Variants in SLC8A3 observed in about 807,000 individuals in gnomAD.
The protein encoded by SLC8A3 is sodium/calcium exchanger 3.
In SLC8A3, 37 loss-of-function variants were observed where a neutral mutation model predicts 65.4. That is an observed-to-expected ratio of 0.57 (90% CI 0.44 to 0.74). The LOEUF (loss-of-function observed/expected upper bound fraction) is 0.74. Ranked by LOEUF, SLC8A3 falls within the 30% of genes least tolerant of loss-of-function variation. The pLI, the probability that SLC8A3 is intolerant of heterozygous loss-of-function variation, is 0.00. For missense variants in SLC8A3, 1,112 were observed against 1,172.1 expected, an observed-to-expected ratio of 0.95 and a Z score of 0.75; for synonymous variants, 461 against 444.5, an observed-to-expected ratio of 1.04 and a Z score of -0.47.
chr14:70,166,187 T>C (rs1166009039), intron 2 of SLC8A3, among the ~76,000 whole-genome samples: 1 of 152,246 alleles, frequency 6.6e-6, no homozygotes. Flanking sequence ...TTCTTTAGAA[T>C]GTTCTGATGG....
At chr14:70,082,264 A>T (rs1424301309) in intron 2 of SLC8A3, among the ~76,000 whole-genome samples, 2 of 151,862 alleles carry the variant, frequency 1.3e-5, no homozygotes, top group South Asian at 2.1e-4. Flanking sequence ...TCAGATTTCA[A>T]TTTTTTTAAA....
intron 2 of SLC8A3, among the ~76,000 whole-genome samples, chr14:70,132,417 C>T (rs1278170899): frequency 6.6e-6 from 1 of 152,184 alleles, no homozygotes; most frequent in Non-Finnish European, 1.5e-5. Context: ...ATTCATTTTA[C>T]AGATGAGGAA....
chr14:70,044,799 A>G lies in SLC8A3; in HGVS notation c.*1148T>C, dbSNP rs1471247103. The G allele has an allele frequency of 6.6e-6, 1 of 152,236 alleles. No individual in the cohort carries two copies. Among genetic ancestry groups the G allele is most frequent in the African/African-American group, 2.4e-5 (1 of 41,456 alleles). The allele number at this position is 152,236 out of a possible 1,614,324, so 9.4% of individuals were successfully genotyped here. The stretch of plus-strand genomic sequence containing the variant: ...GTTTTTACACCACTTCAAGAAATAT[A>G]GTCAGCCCTCTTTGTATAGAGCATT... On this transcript the variant is annotated 3_prime_UTR_variant, in exon 7 of 7. Transcript: ENST00000356921.
chr14:70,117,414 T>C (rs1893742635), intron 2 of SLC8A3, among the ~76,000 whole-genome samples: 1 of 152,214 alleles, frequency 6.6e-6, no homozygotes, highest in Non-Finnish European at 1.5e-5. Flanking sequence ...TTGGGCTTCT[T>C]TCACTTCCTC....
chr14:70,154,444 A>T (rs778485639), intron 2 of SLC8A3, among the ~76,000 whole-genome samples: 1 of 152,220 alleles, frequency 6.6e-6, no homozygotes, highest in Non-Finnish European at 1.5e-5. Flanking sequence ...TTAACAATGC[A>T]TTAATACAAC....
At chr14:70,139,351 C>T (rs932456931) in intron 2 of SLC8A3, among the ~76,000 whole-genome samples, 6 of 152,190 alleles carry the variant, frequency 3.9e-5, no homozygotes, top group African/African-American at 1.4e-4. Flanking sequence ...AAAAAGAGGA[C>T]ACTGGTGTTC....
chr14:70,165,806 G>T (rs1409189513), intron 2 of SLC8A3, among the ~76,000 whole-genome samples: 1 of 152,210 alleles, frequency 6.6e-6, no homozygotes, highest in East Asian at 1.9e-4. Flanking sequence ...CCAAGAAGAG[G>T]TACTTCAGGA....
chr14:70,133,813 T>A (rs1895010414), intron 2 of SLC8A3, among the ~76,000 whole-genome samples: 1 of 152,142 alleles, frequency 6.6e-6, no homozygotes, highest in Admixed American at 6.5e-5. Flanking sequence ...TCAAAAATAA[T>A]CAAGTCAAGA....
chr14:70,143,298 C>T (rs1344374576), intron 2 of SLC8A3, among the ~76,000 whole-genome samples: 2 of 152,284 alleles, frequency 1.3e-5, no homozygotes, highest in South Asian at 4.2e-4. Context: ...ACTATCATTG[C>T]CCACATTTTA....
chr14:70,187,632 TGTGTGTG>T (rs1883414913), intron 1 of SLC8A3, among the ~76,000 whole-genome samples: 11 of 147,708 alleles, frequency 7.4e-5, no homozygotes, highest in South Asian at 2.2e-4. Flanking sequence ...TGTGTGTGTG[TGTGTGTG>T]TCCGCGCGCG....
chr14:70,119,393 C>T (rs1566791949), intron 2 of SLC8A3, among the ~76,000 whole-genome samples: 1 of 152,126 alleles, frequency 6.6e-6, no homozygotes, highest in Non-Finnish European at 1.5e-5. Flanking sequence ...GCTAAGAAAC[C>T]TTTGAAAGGG....
chr14:70,174,504 G>A (rs1240808483), intron 1 of SLC8A3, among the ~76,000 whole-genome samples: 1 of 152,032 alleles, frequency 6.6e-6, no homozygotes, highest in Non-Finnish European at 1.5e-5. Context: ...AGAGCCACGT[G>A]AAAGCCAGGT....
At chr14:70,184,883 T>G (rs1012983140) in intron 1 of SLC8A3, among the ~76,000 whole-genome samples, 2 of 152,214 alleles carry the variant, frequency 1.3e-5, no homozygotes, top group Non-Finnish European at 2.9e-5. Context: ...AATGTTTTTC[T>G]GAGCCTCAGC....
intron 1 of SLC8A3, among the ~76,000 whole-genome samples, chr14:70,184,918 G>A (rs1883056782): frequency 6.6e-6 from 1 of 151,876 alleles, no homozygotes; most frequent in South Asian, 2.1e-4. Flanking sequence ...CTTAGGCAAA[G>A]CAACCAGGCT....
intron 2 of SLC8A3, among the ~76,000 whole-genome samples, chr14:70,072,809 A>G (rs912514979): frequency 1.3e-5 from 2 of 152,036 alleles, no homozygotes; most frequent in Non-Finnish European, 2.9e-5. Flanking sequence ...CACTAAACCC[A>G]GCTAATTTTT....
At chr14:70,186,009 G>T (rs7142605) in intron 1 of SLC8A3, among the ~76,000 whole-genome samples, 13,825 of 151,960 alleles carry the variant, frequency 0.091, 791 homozygotes, top group Middle Eastern at 0.17. Context: ...AATATGGCTT[G>T]GCTGTGTCCC....
chr14:70,060,023 G>A (rs908782369), intron 3 of SLC8A3, among the ~76,000 whole-genome samples: 4 of 152,150 alleles, frequency 2.6e-5, no homozygotes, highest in Non-Finnish European at 5.9e-5. Flanking sequence ...GGCATGGGGT[G>A]GGATGCCCAG....
Position 70,060,955 on chromosome 14 carries a change from G to A in SLC8A3, c.1785-16C>T, listed in dbSNP as rs1360812508. 2 of 1,178,848 alleles carry A rather than the reference G, an allele frequency of 1.7e-6. No individual in the cohort carries two copies. The highest frequency in any genetic ancestry group is 4.6e-5 in the Admixed American group (2 of 43,450). The allele number at this position is 1,178,848 out of a possible 1,614,324, so 73.0% of individuals were successfully genotyped here. A position where few individuals can be genotyped will look rare whatever the true frequency, so the allele number is the denominator to read the frequency against. ...TATGGTTTTCCTGTAGGGACAACAA[G>A]AGAGAGAGTGTGTCGACTGGGTCGG... On this transcript the variant is annotated splice_polypyrimidine_tract_variant and intron_variant, in intron 2 of 6. Coordinates refer to ENST00000356921, the MANE Select transcript of SLC8A3 (RefSeq NM_182932.3).
chr14:70,061,556 G>C (rs1211885757), intron 2 of SLC8A3, among the ~76,000 whole-genome samples: 3 of 145,552 alleles, frequency 2.1e-5, no homozygotes, highest in Non-Finnish European at 4.6e-5. Flanking sequence ...GAGAGAGTGA[G>C]AGAGAAAGAG....
Sources: gnomAD v4.1 joint callset for allele counts (sites outside exome capture counted in the v4.1 genomes callset) on GRCh38, gnomAD v4.1.1 for gene constraint, MANE v1.5 for transcripts, NCBI Gene and HGNC (gene_info 2026-07-23, HGNC 2026-07-21) for gene names.